SETD7: variants seen among roughly 807,000 people sequenced by gnomAD.
The protein encoded by SETD7 is SET domain containing 7, histone lysine methyltransferase.
A neutral mutation model predicts 41.8 loss-of-function variants in SETD7; 16 were observed. The ratio of observed to expected loss-of-function variants is 0.38; its 90% CI spans 0.26 to 0.58. SETD7 has a LOEUF of 0.58. Ranked by LOEUF, SETD7 falls within the 20% of genes least tolerant of loss-of-function variation. The probability of loss-of-function intolerance (pLI) is 0.64; values close to 1 mark genes in which losing one functional copy is unlikely to be tolerated. For missense variants in SETD7, 346 were observed against 459.7 expected (o/e 0.75, Z 2.26); for synonymous variants, 163 against 169.7 (o/e 0.96, Z 0.31).
At chr4:139,520,238 A>T in intron 6 of SETD7, 39 bp downstream of exon 6, 1 of 1,134,698 alleles carries the variant, frequency 8.8e-7, no homozygotes, top group Non-Finnish European at 1.3e-6. Context: ...AAAGCCCTTT[A>T]ACCAACAAAG....
At chr4:139,523,285 A>C in intron 5 of SETD7, 69 bp downstream of exon 5, 1 of 1,180,974 alleles carries the variant, frequency 8.5e-7, no homozygotes, top group South Asian at 1.3e-5. Flanking sequence ...AGAGGTGCAT[A>C]AGTTCCTACC....
chr4:139,508,536 A>C lies in SETD7; in HGVS notation c.*3127T>G, dbSNP rs1336246447. The C allele has an allele frequency of 6.6e-6, 1 of 152,252 alleles. No homozygotes were observed. Among genetic ancestry groups the C allele is most frequent in the African/African-American group, 2.4e-5 (1 of 41,466 alleles). The allele number at this position is 152,252 out of a possible 1,614,324, so 9.4% of individuals were successfully genotyped here. On this transcript the variant is annotated 3_prime_UTR_variant, in exon 8 of 8. Transcript: ENST00000274031. The stretch of plus-strand genomic sequence containing the variant: ...ACACAAGATAATATTTCATCACAGA[A>C]AAGATGCTAAGGGAAGATCTGGTCA...
chr4:139,532,884 G>A (rs187704077), intron 3 of SETD7: 25 of 516,358 alleles, frequency 4.8e-5, no homozygotes, highest in East Asian at 4.5e-4. Context: ...GCCTTTATTA[G>A]TGATACAATA....
In SETD7 at chr4:139,524,814, C is replaced by T. The variant is rs1050905338; in HGVS notation, c.563-1379G>A. Among the ~76,000 whole-genome samples, 21 of 152,182 alleles carry T rather than the reference C, an allele frequency of 1.4e-4. No individual in the cohort carries two copies. The East Asian group carries it at 4.1e-3, about 29-fold the overall frequency. On this transcript the variant is annotated intron_variant, in intron 4 of 7. Coordinates refer to ENST00000274031, the MANE Select transcript of SETD7 (RefSeq NM_030648.4). The stretch of plus-strand genomic sequence containing the variant: ...ATCCACGAAAAGCATTTAAACCACC[C>T]TCCCCCACTTTTTTTTTCTTTTGAG...
rs1425551320 is a variant in SETD7, at chr4:139,510,598, A to G, written c.*1065T>C. On this transcript the variant is annotated 3_prime_UTR_variant, in exon 8 of 8. Coordinates refer to ENST00000274031, the MANE Select transcript of SETD7 (RefSeq NM_030648.4). ...ATCAAGGTTTGATTTGTACCTAGTA[A>G]TCAGTGTGTCTGCCTTAGTAGTACT... The G allele has an allele frequency of 6.6e-6, 1 of 152,220 alleles. No homozygotes were observed. The highest frequency in any genetic ancestry group is 1.5e-5 in the Non-Finnish European group (1 of 68,046). The allele number at this position is 152,220 out of a possible 1,614,324, so 9.4% of individuals were successfully genotyped here. A position where few individuals can be genotyped will look rare whatever the true frequency, so the allele number is the denominator to read the frequency against.
chr4:139,512,287 C>T (rs1424369742), intron 7 of SETD7, among the ~76,000 whole-genome samples: 2 of 152,188 alleles, frequency 1.3e-5, no homozygotes, highest in East Asian at 1.9e-4. Context: ...GAAGGCTTCA[C>T]CAGAGTGCTT....
chr4:139,545,866 G>T (rs566286393), intron 2 of SETD7, among the ~76,000 whole-genome samples: 17 of 152,178 alleles, frequency 1.1e-4, no homozygotes, highest in Admixed American at 3.3e-4. Flanking sequence ...ACCTGCTTTG[G>T]TGAAGTCAGT....
chr4:139,523,563 A>C, intron 4 of SETD7, 128 bp from the exon 5 acceptor site: 1 of 580,782 alleles, frequency 1.7e-6, no homozygotes, highest in Non-Finnish European at 3.1e-6. Context: ...TACCAACTAG[A>C]ATGAAGTTCT....
At chr4:139,517,337 C>T (rs1309329354) in intron 7 of SETD7, among the ~76,000 whole-genome samples, 4 of 151,960 alleles carry the variant, frequency 2.6e-5, no homozygotes, top group Middle Eastern at 3.2e-3. Flanking sequence ...TAGCTGGGTG[C>T]GGTGGCGCAT....
chr4:139,493,680 C>T (rs542971420), downstream of SETD7, among the ~76,000 whole-genome samples: 6 of 152,088 alleles, frequency 3.9e-5, no homozygotes, highest in African/African-American at 1.2e-4. Flanking sequence ...GCTGGGACTA[C>T]AGGCATGCAC....
chr4:139,535,984 G>A (rs1290737418), intron 2 of SETD7, among the ~76,000 whole-genome samples: 12 of 152,140 alleles, frequency 7.9e-5, no homozygotes, highest in African/African-American at 2.9e-4. Context: ...GAGGAGGCTG[G>A]CAAACTATGG....
In SETD7 at chr4:139,508,104, C is replaced by G. The variant is rs1283278482; in HGVS notation, c.*3559G>C. ...ATACTGTCTCCTGGAGAAGACAACC[C>G]TTTAATTCACTGTTCACAATTAATG... On this transcript the variant is annotated 3_prime_UTR_variant, in exon 8 of 8. Coordinates refer to ENST00000274031, the MANE Select transcript of SETD7 (RefSeq NM_030648.4). The G allele has an allele frequency of 1.3e-5, 2 of 152,108 alleles. No individual in the cohort carries two copies. The highest frequency in any genetic ancestry group is 4.8e-5 in the African/African-American group (2 of 41,402). 9.4% of individuals were successfully genotyped at this position (152,108 alleles called of 1,614,324 possible). A position where few individuals can be genotyped will look rare whatever the true frequency, so the allele number is the denominator to read the frequency against.
In SETD7 at chr4:139,509,080, C is replaced by T. The variant is rs982648504; in HGVS notation, c.*2583G>A. 1.3e-5 allele frequency: 2 copies of T among 152,460 alleles called. No individual in the cohort carries two copies. Among genetic ancestry groups the T allele is most frequent in the Non-Finnish European group, 2.9e-5 (2 of 68,302 alleles). 9.4% of individuals were successfully genotyped at this position (152,460 alleles called of 1,614,324 possible). ...AGAGTCCCAAAGACATGCACAGAGC[C>T]AGAGAGACTCAAGAAAGGTCAGTGC... On this transcript the variant is annotated 3_prime_UTR_variant, in exon 8 of 8. Coordinates refer to ENST00000274031, the MANE Select transcript of SETD7 (RefSeq NM_030648.4).
exon 8 of SETD7, chr4:139,496,293 A>G (rs909697673): frequency 4.5e-6 from 3 of 672,386 alleles, no homozygotes; most frequent in African/African-American, 1.8e-5. Flanking sequence ...AGGGAAGCCT[A>G]TGTTCTGACA....
intron 7 of SETD7, among the ~76,000 whole-genome samples, chr4:139,516,170 T>C (rs1252016998): frequency 1.3e-5 from 2 of 152,084 alleles, no homozygotes; most frequent in African/African-American, 4.8e-5. Flanking sequence ...GGGCTTATTA[T>C]AAAGAACTTT....
intron 1 of SETD7, among the ~76,000 whole-genome samples, chr4:139,550,158 G>T (rs1354897520): frequency 6.6e-6 from 1 of 152,148 alleles, no homozygotes; most frequent in Non-Finnish European, 1.5e-5. Context: ...TTACAGGCAA[G>T]AACCACCACA....
intron 2 of SETD7, among the ~76,000 whole-genome samples, chr4:139,538,142 C>T (rs139092275): frequency 6.6e-6 from 1 of 151,950 alleles, no homozygotes; most frequent in East Asian, 1.9e-4. Flanking sequence ...AAAGAACAAG[C>T]AAGAAAAATT....
intron 7 of SETD7, among the ~76,000 whole-genome samples, chr4:139,514,819 T>C (rs1053527394): frequency 6.6e-6 from 1 of 152,242 alleles, no homozygotes; most frequent in East Asian, 1.9e-4. Flanking sequence ...TTTGGCATTT[T>C]GTACTAGATT....
intron 3 of SETD7, among the ~76,000 whole-genome samples, chr4:139,530,730 G>A (rs1446269431): frequency 2.0e-5 from 3 of 152,110 alleles, no homozygotes; most frequent in African/African-American, 7.2e-5. Context: ...GTTTCAGAGG[G>A]AGTGAATTTA....
Sources: gnomAD v4.1 joint callset for allele counts (sites outside exome capture counted in the v4.1 genomes callset) on GRCh38, gnomAD v4.1.1 for gene constraint, MANE v1.5 for transcripts, NCBI Gene and HGNC (gene_info 2026-07-23, HGNC 2026-07-21) for gene names.